HNMT: variants seen among roughly 807,000 people sequenced by gnomAD.
HNMT encodes histamine N-methyltransferase.
Under a neutral mutation model 32.1 loss-of-function variants are expected in HNMT, and 30 were observed. The observed-to-expected ratio is 0.93, with a 90% CI of 0.70 to 1.27. The LOEUF (loss-of-function observed/expected upper bound fraction) is 1.27, where lower values mean the gene tolerates loss of function less well. Among genes scored for constraint, HNMT ranks in the 50% most tolerant of loss-of-function variants. HNMT has a pLI of 0.00. For synonymous variants in HNMT, 125 were observed against 119.0 expected (o/e 1.05, Z -0.33); for missense variants, 327 against 346.0 (o/e 0.95, Z 0.43).
intron 5 of HNMT, among the ~76,000 whole-genome samples, chr2:138,011,637 T>A (rs908870914): frequency 1.3e-5 from 2 of 152,092 alleles, no homozygotes; most frequent in Non-Finnish European, 2.9e-5. Flanking sequence ...GTTTGTGTAT[T>A]TTTCTGGAGA....
chr2:138,004,826 C>T (rs1681283033), intron 4 of HNMT, among the ~76,000 whole-genome samples: 1 of 152,074 alleles, frequency 6.6e-6, no homozygotes, highest in South Asian at 2.1e-4. Flanking sequence ...GGATTCATGT[C>T]CCCATGTGGA....
chr2:137,981,279 C>A (rs1208146240), intron 2 of HNMT: 3 of 1,613,568 alleles, frequency 1.9e-6, no homozygotes, highest in Admixed American at 1.7e-5. Flanking sequence ...TTGTGTAGCA[C>A]CCGTCAGAAA....
chr2:138,002,106 C>T lies in HNMT; in HGVS notation c.341C>T (p.Ala114Val). Residue 114 changes from alanine to valine, a missense_variant, in exon 4 of 6, where the codon GCT becomes GTT. Coordinates refer to ENST00000280097, the MANE Select transcript of HNMT (RefSeq NM_006895.3). Reference protein sequence around the residue: ...KTSNLENVKFAWHKETSSEYQ... With the variant: ...KTSNLENVKFVWHKETSSEYQ... ...TCGAACCTCGAGAACGTAAAGTTTG[C>T]TTGGCATAAGGAGACATCATCTGAA... 1 of 1,600,212 alleles carries T rather than the reference C, an allele frequency of 6.2e-7. No homozygotes were observed. Among genetic ancestry groups the T allele is most frequent in the Non-Finnish European group, 8.5e-7 (1 of 1,173,582 alleles).
intron 2 of HNMT, among the ~76,000 whole-genome samples, chr2:137,991,627 A>T (rs1231092063): frequency 6.6e-6 from 1 of 152,212 alleles, no homozygotes; most frequent in Non-Finnish European, 1.5e-5. Context: ...AAACATATAG[A>T]TATATAAAAT....
rs1681588587 is a variant in HNMT at position 138,013,987 on chromosome 2, G to A, written c.736G>A (p.Glu246Lys). The A allele has an allele frequency of 1.2e-6, 2 of 1,613,724 alleles. No homozygotes were observed. Among genetic ancestry groups the A allele is most frequent in the Non-Finnish European group, 1.7e-6 (2 of 1,179,778 alleles). ...NGDLLWDFLT[E>K]TCNFNATAPP... The stretch of plus-strand genomic sequence containing the variant: ...AGACCTGCTTTGGGATTTTTTGACT[G>A]AAACCTGCAACTTTAATGCCACAGC... The change falls in exon 6 of 6, where the codon GAA becomes AAA. Residue 246 changes from glutamate to lysine, a missense_variant. Coordinates refer to ENST00000280097, the MANE Select transcript of HNMT (RefSeq NM_006895.3).
intron 2 of HNMT, among the ~76,000 whole-genome samples, chr2:137,998,477 T>G (rs942931359): frequency 6.6e-6 from 1 of 152,192 alleles, no homozygotes; most frequent in African/African-American, 2.4e-5. Flanking sequence ...ACCCTACTTA[T>G]GAGGTCAGAA....
intron 2 of HNMT, among the ~76,000 whole-genome samples, chr2:137,975,539 A>C (rs1340063489): frequency 6.6e-6 from 1 of 152,204 alleles, no homozygotes; most frequent in Admixed American, 6.5e-5. Flanking sequence ...TTCCTTTCAC[A>C]GGAGAGATTA....
At position 137,970,781 on chromosome 2, in the gene HNMT, G is replaced by A. The variant is rs140415873; in HGVS notation, c.190+564G>A. On this transcript the variant is annotated intron_variant, in intron 2 of 5. Transcript: ENST00000280097. ...TAAAAATACAAAAAATTAGCCAAGC[G>A]TGGTGGCAGACGCCTGTAGTCCCAG... Among the ~76,000 whole-genome samples, 1,248 of 152,044 alleles carry A rather than the reference G, an allele frequency of 8.2e-3. 13 individuals are homozygous for A. The highest frequency in any genetic ancestry group is 0.027 in the African/African-American group (1,126 of 41,500).
chr2:138,000,793 A>T (rs1681144643), intron 2 of HNMT, 125 bp from the exon 3 acceptor site: 1 of 515,642 alleles, frequency 1.9e-6, no homozygotes, highest in African/African-American at 2.0e-5. Flanking sequence ...GCAGCAGTTG[A>T]ACATTATTCT....
chr2:137,996,108 T>G (rs1680984984), intron 2 of HNMT, among the ~76,000 whole-genome samples: 1 of 152,104 alleles, frequency 6.6e-6, no homozygotes, highest in African/African-American at 2.4e-5. Context: ...TGAAAACCAG[T>G]ACAAGACAAG....
intron 2 of HNMT, among the ~76,000 whole-genome samples, chr2:137,986,110 T>A (rs890809608): frequency 2.0e-5 from 3 of 151,968 alleles, no homozygotes; most frequent in African/African-American, 7.3e-5. Flanking sequence ...CAAATTGTTG[T>A]TAATTTGAGT....
chr2:138,002,219 T>A, intron 4 of HNMT, 25 bp downstream of exon 4: 1 of 1,400,290 alleles, frequency 7.1e-7, no homozygotes, highest in Non-Finnish European at 9.7e-7. Context: ...TTATAATATA[T>A]ACTCAGAAAG....
intron 2 of HNMT, 22 bp from the exon 3 acceptor site, chr2:138,000,896 G>A (rs368392513): frequency 1.4e-4 from 180 of 1,332,856 alleles, no homozygotes; most frequent in Non-Finnish European, 1.9e-4. Flanking sequence ...GATGTGACCT[G>A]TCCCATATGT....
At chr2:138,011,090 G>A (rs1017450656) in intron 5 of HNMT, among the ~76,000 whole-genome samples, 3 of 151,972 alleles carry the variant, frequency 2.0e-5, no homozygotes, top group African/African-American at 7.3e-5. Context: ...GAGCCATTAT[G>A]ATAATGCATT....
chr2:137,968,540 A>G (rs1314339767), intron 1 of HNMT, among the ~76,000 whole-genome samples: 2 of 152,226 alleles, frequency 1.3e-5, no homozygotes, highest in Admixed American at 6.5e-5. Flanking sequence ...TGATATTATT[A>G]TCTTATTTCA....
At chr2:138,000,875 C>A (rs995510953) in intron 2 of HNMT, 43 bp from the exon 3 acceptor site, 1 of 1,075,822 alleles carries the variant, frequency 9.3e-7, no homozygotes. Flanking sequence ...TTAATCATTT[C>A]TTGCTGGAAT....
At chr2:137,995,085 C>T (rs533895637) in intron 2 of HNMT, among the ~76,000 whole-genome samples, 100 of 151,964 alleles carry the variant, frequency 6.6e-4, no homozygotes, top group Non-Finnish European at 1.3e-3. Context: ...AAGTTGACAC[C>T]CTAACATCAC....
intron 2 of HNMT, among the ~76,000 whole-genome samples, chr2:137,983,909 C>A (rs1680576007): frequency 6.6e-6 from 1 of 152,140 alleles, no homozygotes; most frequent in South Asian, 2.1e-4. Context: ...TTCTTAATTG[C>A]CTTTAGCTCA....
intron 5 of HNMT, among the ~76,000 whole-genome samples, chr2:138,008,290 C>T (rs1049438039): frequency 1.3e-5 from 2 of 151,942 alleles, no homozygotes; most frequent in African/African-American, 4.8e-5. Flanking sequence ...GCTTCTGGCT[C>T]CATCCATGTC....
Sources: gnomAD v4.1 joint callset for allele counts (sites outside exome capture counted in the v4.1 genomes callset) on GRCh38, gnomAD v4.1.1 for gene constraint, MANE v1.5 for transcripts, NCBI Gene and HGNC (gene_info 2026-07-23, HGNC 2026-07-21) for gene names.